Variants in WSB1 observed in about 807,000 individuals in gnomAD.
The protein encoded by WSB1 is WD repeat and SOCS box containing 1.
In WSB1, 23 loss-of-function variants were observed where a neutral mutation model predicts 50.2. The ratio of observed to expected loss-of-function variants is 0.46; its 90% CI spans 0.33 to 0.65. The LOEUF (loss-of-function observed/expected upper bound fraction) is 0.65. Ranked by LOEUF, WSB1 falls within the 30% of genes least tolerant of loss-of-function variation. The pLI is 0.02. For synonymous variants in WSB1, 179 were observed against 172.0 expected (o/e 1.04, Z -0.32); for missense variants, 492 against 522.3 (o/e 0.94, Z 0.56).
At chr17:27,296,090 C>A (rs571126054) in intron 1 of WSB1, among the ~76,000 whole-genome samples, 1 of 152,294 alleles carries the variant, frequency 6.6e-6, no homozygotes, top group East Asian at 1.9e-4. Flanking sequence ...ACCTCTGCCT[C>A]CCAAAGTGCT....
chr17:27,301,741 T>C (rs769865764), intron 1 of WSB1, 47 bp from the exon 2 acceptor site: 1 of 1,586,700 alleles, frequency 6.3e-7, no homozygotes, highest in Non-Finnish European at 8.6e-7. Flanking sequence ...GTCTCACATG[T>C]ATTGTTGGTT....
intron 4 of WSB1, among the ~76,000 whole-genome samples, chr17:27,306,234 A>G (rs1260837081): frequency 1.1e-5 from 1 of 87,592 alleles, no homozygotes; most frequent in African/African-American, 4.4e-5. Flanking sequence ...TTTTTTTGAG[A>G]TGGAGTCTCG....
chr17:27,310,166 T>C lies in WSB1; in HGVS notation c.990T>C (p.Ala330=). The change falls in exon 7 of 9, where the codon GCT becomes GCC. Residue 330 remains alanine, a synonymous_variant. Coordinates refer to ENST00000262394, the MANE Select transcript of WSB1 (RefSeq NM_015626.10). Reference sequence around the variant, plus strand: ...ATGGACTGCATGTTGCAAGCCTTGCTGATGATAAGTAAGTATGTGCATTAT... The same window carrying C: ...ATGGACTGCATGTTGCAAGCCTTGCCGATGATAAGTAAGTATGTGCATTAT... ...SHDGLHVASL[A]DDKMVRFWRI... 6.2e-7 allele frequency: 1 copy of C among 1,613,826 alleles called. No individual in the cohort carries two copies. Among genetic ancestry groups the C allele is most frequent in the Non-Finnish European group, 8.5e-7 (1 of 1,179,720 alleles).
intron 3 of WSB1, 113 bp downstream of exon 3, chr17:27,303,748 T>C: frequency 7.6e-7 from 1 of 1,322,488 alleles, no homozygotes; most frequent in South Asian, 1.4e-5. Flanking sequence ...CAAGAATTGA[T>C]GGCATAGGTG....
At chr17:27,307,551 A>T in intron 5 of WSB1, 1 of 577,992 alleles carries the variant, frequency 1.7e-6, no homozygotes, top group Non-Finnish European at 3.0e-6. Flanking sequence ...GAATTAATGG[A>T]GGGTGGGAGG....
rs780049106 is a variant in WSB1 at position 27,301,745 on chromosome 17, G to A, written c.41-43G>A. 10 of 1,595,606 alleles carry A rather than the reference G, an allele frequency of 6.3e-6. No homozygotes were observed. The African/African-American group carries it at 9.4e-5, about 15-fold the overall frequency. ...ATATGGAAGCAGTCTCACATGTATTGTTGGTTATATATGATATCCAGTATT... is the reference window on the plus strand; with the variant it reads ...ATATGGAAGCAGTCTCACATGTATTATTGGTTATATATGATATCCAGTATT... On this transcript the variant is annotated intron_variant, in intron 1 of 8. Coordinates refer to ENST00000262394, the MANE Select transcript of WSB1 (RefSeq NM_015626.10).
At position 27,303,768 on chromosome 17, in the gene WSB1, A is replaced by G. The variant is rs1567687573; in HGVS notation, c.478+133A>G. On this transcript the variant is annotated intron_variant, in intron 3 of 8. Coordinates refer to ENST00000262394, the MANE Select transcript of WSB1 (RefSeq NM_015626.10). ...ATTGATGGCATAGGTGCGTCTTTAT[A>G]ATAGACCTGAATGTCACCTTCTTCA... 34 of 1,070,628 alleles carry G rather than the reference A, an allele frequency of 3.2e-5. No individual in the cohort carries two copies. In the East Asian group the frequency reaches 8.2e-4, roughly 26 times the overall value. The allele number at this position is 1,070,628 out of a possible 1,614,324, so 66.3% of individuals were successfully genotyped here. A position where few individuals can be genotyped will look rare whatever the true frequency, so the allele number is the denominator to read the frequency against.
At chr17:27,296,757 C>T (rs1397479180) in intron 1 of WSB1, among the ~76,000 whole-genome samples, 1 of 152,190 alleles carries the variant, frequency 6.6e-6, no homozygotes, top group Non-Finnish European at 1.5e-5. Flanking sequence ...CGGCTGATTT[C>T]CCATGGCAGC....
At chr17:27,302,771 CCTCT>C in intron 2 of WSB1, 1 of 151,934 alleles carries the variant, frequency 6.6e-6, no homozygotes, top group Non-Finnish European at 1.5e-5. Context: ...ACTTATAGTC[CCTCT>C]GTTTGGGGTA....
At position 27,315,636 on chromosome 17, in the gene WSB1, T is replaced by C. The variant is rs1195446594; in HGVS notation, c.*3267T>C. ...GAGAAGTTTCACGAGCCTGAAACCA[T>C]TGAGACAGTGATTACAACCTCCATA... On this transcript the variant is annotated 3_prime_UTR_variant, in exon 9 of 9. Transcript: ENST00000262394. The C allele has an allele frequency of 6.6e-6, 1 of 152,200 alleles. No individual in the cohort carries two copies. The highest frequency in any genetic ancestry group is 1.5e-5 in the Non-Finnish European group (1 of 68,030). 9.4% of individuals were successfully genotyped at this position (152,200 alleles called of 1,614,324 possible).
intron 5 of WSB1, chr17:27,307,199 T>C (rs2017497541): frequency 4.2e-6 from 1 of 240,144 alleles, no homozygotes; most frequent in Non-Finnish European, 8.0e-6. Flanking sequence ...TTGCTAATTA[T>C]TTTCTTCTCT....
chr17:27,309,296 A>G lies in WSB1; in HGVS notation c.884+24A>G, dbSNP rs1390311825. ...GGGTGGGTACAGCATGAATTATTTT[A>G]GTCTATAATTCATCTCCACCTATCA... On this transcript the variant is annotated intron_variant, in intron 6 of 8. Coordinates refer to ENST00000262394, the MANE Select transcript of WSB1 (RefSeq NM_015626.10). 4 of 1,512,968 alleles carry G rather than the reference A, an allele frequency of 2.6e-6. No individual in the cohort carries two copies. In the African/African-American group the frequency reaches 5.5e-5, roughly 21 times the overall value. 93.7% of individuals were successfully genotyped at this position (1,512,968 alleles called of 1,614,324 possible).
At chr17:27,307,790 C>A (rs1485617904) in intron 5 of WSB1, 8 of 1,533,364 alleles carry the variant, frequency 5.2e-6, no homozygotes, top group African/African-American at 1.4e-5. Context: ...TGGCACCACT[C>A]GCACACAGGC....
Sources: gnomAD v4.1 joint callset for allele counts (sites outside exome capture counted in the v4.1 genomes callset) on GRCh38, gnomAD v4.1.1 for gene constraint, MANE v1.5 for transcripts, NCBI Gene and HGNC (gene_info 2026-07-23, HGNC 2026-07-21) for gene names.